Variants in GFPT2 observed in about 807,000 individuals in gnomAD.
GFPT2 encodes glutamine--fructose-6-phosphate aminotransferase [isomerizing] 2.
GFPT2 carries 62 observed loss-of-function variants against 85.6 expected under a neutral mutation model. The observed-to-expected ratio is 0.72, with a 90% CI of 0.59 to 0.90. The LOEUF (loss-of-function observed/expected upper bound fraction) is 0.90, where lower values mean the gene tolerates loss of function less well. Ranked by LOEUF, GFPT2 falls within the 40% of genes least tolerant of loss-of-function variation. The pLI, the probability that GFPT2 is intolerant of heterozygous loss-of-function variation, is 0.00. For synonymous variants in GFPT2, 368 were observed against 344.5 expected (o/e 1.07, Z -0.75); for missense variants, 788 against 893.4 (o/e 0.88, Z 1.50).
In GFPT2 at chr5:180,303,426, G is replaced by A. The variant is rs77306931; in HGVS notation, c.1843-842C>T. Among the ~76,000 whole-genome samples the A allele has an allele frequency of 4.2e-3, 647 of 152,304 alleles. 10 individuals carry two copies. The highest frequency in any genetic ancestry group is 0.038 in the East Asian group (195 of 5,152). The stretch of plus-strand genomic sequence containing the variant: ...ATTCCAGACAGCAGGAGCGGCCAGC[G>A]CAAAGGCCCGGAGGCGGGCGCGGGC... On this transcript the variant is annotated intron_variant, in intron 17 of 18. Coordinates refer to ENST00000253778, the MANE Select transcript of GFPT2 (RefSeq NM_005110.4).
Position 180,313,924 on chromosome 5 carries a change from C to T in GFPT2, c.1314G>A (p.Lys438=). The change falls in exon 14 of 19, where the codon AAG becomes AAA. Residue 438 remains lysine (K), a synonymous_variant. Transcript: ENST00000253778. ...ADTLLALRYC[K]DRGALTVGVT... ...CGCCCACGGTGAGAGCGCCGCGGTC[C>T]TTACAGTAGCGCAGCGCCAGGAGGG... 1 of 1,604,812 alleles carries T rather than the reference C, an allele frequency of 6.2e-7. No homozygotes were observed. The highest frequency in any genetic ancestry group is 8.5e-7 in the Non-Finnish European group (1 of 1,179,396).
At chr5:180,332,255 CA>C (rs1217915431) in intron 4 of GFPT2, among the ~76,000 whole-genome samples, 1 of 140,080 alleles carries the variant, frequency 7.1e-6, no homozygotes, top group South Asian at 2.4e-4. Flanking sequence ...GCGGGGGGAG[CA>C]GGGGGATGCG....
At position 180,336,567 on chromosome 5, in the gene GFPT2, G is replaced by A. The variant is rs779641006; in HGVS notation, c.126C>T (p.Ile42=). Residue 42 remains isoleucine (I), a synonymous_variant, in exon 3 of 19, where the codon ATC becomes ATT. Coordinates refer to ENST00000253778, the MANE Select transcript of GFPT2 (RefSeq NM_005110.4). ...YRGYDSAGVA[I]DGNNHEVKER... Reference sequence around the variant, plus strand: ...CTTTGACTTCGTGATTATTCCCATCGATCGCCACACCTGTGATGTAGACAG... The same window carrying A: ...CTTTGACTTCGTGATTATTCCCATCAATCGCCACACCTGTGATGTAGACAG... 7.5e-6 allele frequency: 12 copies of A among 1,603,194 alleles called. No individual in the cohort carries two copies. The highest frequency in any genetic ancestry group is 2.7e-5 in the African/African-American group (2 of 74,688).
At chr5:180,346,052 C>A (rs1277500184) in intron 1 of GFPT2, among the ~76,000 whole-genome samples, 1 of 152,000 alleles carries the variant, frequency 6.6e-6, no homozygotes, top group African/African-American at 2.4e-5. Flanking sequence ...TGAGCCAGGG[C>A]CTAGGGAAGG....
intron 9 of GFPT2, among the ~76,000 whole-genome samples, chr5:180,321,064 A>T (rs1429704279): frequency 1.3e-5 from 2 of 152,234 alleles, no homozygotes; most frequent in Non-Finnish European, 2.9e-5. Context: ...ATAACTTCGT[A>T]TGCTTTGTAT....
chr5:180,315,014 C>T (rs1001978268), intron 13 of GFPT2, among the ~76,000 whole-genome samples: 1 of 152,088 alleles, frequency 6.6e-6, no homozygotes, highest in Non-Finnish European at 1.5e-5. Context: ...GGTGGTGGGC[C>T]GGATGGTCGG....
Position 180,320,332 on chromosome 5 carries a change from A to G in GFPT2, c.795-1376T>C, listed in dbSNP as rs950249785. Among the ~76,000 whole-genome samples, 4 of 152,220 alleles carry G rather than the reference A, an allele frequency of 2.6e-5. No individual in the cohort carries two copies. In the South Asian group the frequency reaches 8.3e-4, roughly 31 times the overall value. ...TATAACTTTCTCTGTATGGAAAAGA[A>G]TAATGATTTTTTTCCCTTGAGATCA... On this transcript the variant is annotated intron_variant, in intron 9 of 18. Coordinates refer to ENST00000253778, the MANE Select transcript of GFPT2 (RefSeq NM_005110.4).
rs1409113318 is a variant in GFPT2 at position 180,326,195 on chromosome 5, T to C, written c.597-1300A>G. Among the ~76,000 whole-genome samples, 4 of 152,322 alleles carry C rather than the reference T, an allele frequency of 2.6e-5. No individual in the cohort carries two copies. In the East Asian group the frequency reaches 7.7e-4, roughly 29 times the overall value. ...TCTGGTAACACATGCGCTCTAAACC[T>C]GCGGTTCTTCAAAACCAGGCAGGTA... is the stretch of plus-strand genomic sequence containing the variant. On this transcript the variant is annotated intron_variant, in intron 7 of 18. Coordinates refer to ENST00000253778, the MANE Select transcript of GFPT2 (RefSeq NM_005110.4).
intron 10 of GFPT2, among the ~76,000 whole-genome samples, chr5:180,317,991 C>A (rs1357249178): frequency 1.3e-5 from 2 of 151,692 alleles, no homozygotes; most frequent in African/African-American, 4.9e-5. Flanking sequence ...GGCACTTGTG[C>A]GACGAGCAAA....
At chr5:180,343,999 C>T (rs1236011172) in intron 1 of GFPT2, among the ~76,000 whole-genome samples, 1 of 152,242 alleles carries the variant, frequency 6.6e-6, no homozygotes, top group East Asian at 1.9e-4. Context: ...AGGACAGCTG[C>T]TCAGGGCTCT....
At chr5:180,319,580 A>AC (rs1351847320) in intron 9 of GFPT2, among the ~76,000 whole-genome samples, 4 of 152,208 alleles carry the variant, frequency 2.6e-5, no homozygotes, top group Admixed American at 6.5e-5. Context: ...CTAATCAAGG[A>AC]CCATTCATGG....
At chr5:180,309,721 A>G (rs1387423972) in intron 15 of GFPT2, among the ~76,000 whole-genome samples, 1 of 151,622 alleles carries the variant, frequency 6.6e-6, no homozygotes, top group Non-Finnish European at 1.5e-5. Context: ...CCCAGTAGAA[A>G]GGCGCTACGT....
chr5:180,328,985 GT>G lies in GFPT2; in HGVS notation c.535-648del. ...CCACCTGCCCTCTGGGCCTCAGCTG[GT>G]TGGTTTGTGCAAAGCCAGAACTAGA... On this transcript the variant is annotated intron_variant, in intron 6 of 18. Transcript: ENST00000253778. The surrounding 1 kb of genome is among the most constrained non-coding windows in gnomAD (Gnocchi z 5.4). Among the ~76,000 whole-genome samples, 2 of 152,362 alleles carry G rather than the reference GT, an allele frequency of 1.3e-5. No individual in the cohort carries two copies. The highest frequency in any genetic ancestry group is 3.9e-4 in the East Asian group (2 of 5,182).
At chr5:180,315,315 C>T (rs1305803177) in intron 13 of GFPT2, among the ~76,000 whole-genome samples, 3 of 152,044 alleles carry the variant, frequency 2.0e-5, no homozygotes, top group African/African-American at 7.2e-5. Flanking sequence ...GTAGCCGGGA[C>T]TACAGGCGCC....
rs73351311 is a variant in GFPT2 at position 180,337,926 on chromosome 5, C to T, written c.115+567G>A. Among the ~76,000 whole-genome samples the T allele has an allele frequency of 5.0e-3, 765 of 152,182 alleles. 7 individuals are homozygous for T. Among genetic ancestry groups the T allele is most frequent in the African/African-American group, 0.017 (713 of 41,516 alleles). ...CTTTGGGAGGCAAAGGCAGGAGGATCGCTTGGGGCTACGCCGGGCAGCACA... is the reference window on the plus strand; with the variant it reads ...CTTTGGGAGGCAAAGGCAGGAGGATTGCTTGGGGCTACGCCGGGCAGCACA... On this transcript the variant is annotated intron_variant, in intron 2 of 18. Coordinates refer to ENST00000253778, the MANE Select transcript of GFPT2 (RefSeq NM_005110.4).
At position 180,323,511 on chromosome 5, in the gene GFPT2, G is replaced by GA. The variant is rs1182842344; in HGVS notation, c.794+676dup. 6.6e-6 allele frequency among the ~76,000 whole-genome samples: 1 copy of GA among 152,034 alleles called. No homozygotes were observed. The highest frequency in any genetic ancestry group is 1.5e-5 in the Non-Finnish European group (1 of 68,018). On this transcript the variant is annotated intron_variant, in intron 9 of 18. Coordinates refer to ENST00000253778, the MANE Select transcript of GFPT2 (RefSeq NM_005110.4). The surrounding 1 kb of genome is among the most constrained non-coding windows in gnomAD (Gnocchi z 4.0). The stretch of plus-strand genomic sequence containing the variant: ...AGCAGTTTTCTACTTCAAATGGCAG[G>GA]AAAGTGCTCTGGTTCTCTCTCTCCC...
At chr5:180,331,216 T>C (rs1372657841) in intron 5 of GFPT2, among the ~76,000 whole-genome samples, 1 of 152,252 alleles carries the variant, frequency 6.6e-6, no homozygotes, top group Non-Finnish European at 1.5e-5. Context: ...CTGTGTTATA[T>C]AATGCAGACA....
At chr5:180,338,682 G>T in intron 1 of GFPT2, 82 bp from the exon 2 acceptor site, 1 of 802,822 alleles carries the variant, frequency 1.2e-6, no homozygotes, top group South Asian at 1.6e-5. Context: ...GATGCACCGA[G>T]GTGGCATCAC....
chr5:180,314,008 G>A (rs1470216940), intron 13 of GFPT2, 44 bp from the exon 14 acceptor site: 2 of 1,538,908 alleles, frequency 1.3e-6, no homozygotes, highest in Non-Finnish European at 1.7e-6. Flanking sequence ...CGCCAGCCTC[G>A]GCCCCACCCC....
Sources: allele counts gnomAD v4.1 joint callset (sites outside exome capture counted in the v4.1 genomes callset), GRCh38; gene constraint gnomAD v4.1.1; non-coding constraint Gnocchi (gnomAD v3.1); transcripts MANE v1.5; gene names NCBI Gene and HGNC (gene_info 2026-07-23, HGNC 2026-07-21).